Variants in KCNH2 observed in about 807,000 individuals in gnomAD.
KCNH2 encodes the protein potassium voltage-gated channel subfamily H member 2.
KCNH2 carries 35 observed loss-of-function variants against 95.9 expected under a neutral mutation model. The observed-to-expected ratio is 0.37, with a 90% CI of 0.28 to 0.48. The LOEUF (loss-of-function observed/expected upper bound fraction) is 0.48. Ranked by LOEUF, KCNH2 falls within the 20% of genes least tolerant of loss-of-function variation. KCNH2 has a pLI of 0.99. For missense variants in KCNH2, 1,274 were observed against 1,702.9 expected (o/e 0.75, Z 4.43); for synonymous variants, 786 against 754.7 (o/e 1.04, Z -0.68).
At position 150,950,238 on chromosome 7, in the gene KCNH2, G is replaced by C. The variant is rs747861687; in HGVS notation, c.2328C>G (p.Leu776=). Residue 776 remains leucine, a synonymous_variant, in exon 9 of 15, where the codon CTC becomes CTG. Transcript: ENST00000262186. ...GDTLVHAGDL[L]TALYFISRGS... is the part of the protein sequence containing the mutation. ...CCCGGGAGATGAAGTACAGGGCGGT[G>C]AGCAGGTCCCCAGCATGCACCAGTG... 1 of 1,613,502 alleles carries C rather than the reference G, an allele frequency of 6.2e-7. No individual in the cohort carries two copies. Among genetic ancestry groups the C allele is most frequent in the East Asian group, 2.2e-5 (1 of 44,842 alleles).
rs794728398 is a variant in KCNH2, at chr7:150,947,797, C to A, written c.2774G>T (p.Gly925Val). 35 of 1,532,872 alleles carry A rather than the reference C, an allele frequency of 2.3e-5. 1 individual carries two copies. The highest frequency in any genetic ancestry group is 5.9e-5 in the Admixed American group (3 of 50,706). 95.0% of individuals were successfully genotyped at this position (1,532,872 alleles called of 1,614,324 possible). ...AGPSSRGRPGGPWGESPSSGP... is the reference protein window; with the variant it reads ...AGPSSRGRPGVPWGESPSSGP... ...ACTGGACGGGCTCTCCCCCCACGGC[C>A]CCCCCGGCCGGCCCCGGCTACTCGG... The change falls in exon 12 of 15, where the codon GGG becomes GTG. Residue 925 changes from glycine to valine, a missense_variant. Physicochemically the swap from Gly to Val is moderately radical, Grantham distance 109. This residue lies in a region of KCNH2 where 457 missense variants were observed against 416.1 expected (regional missense o/e 1.10). Transcript: ENST00000262186.
At chr7:150,957,549 G>T (rs1182650154) in intron 4 of KCNH2, 47 bp from the exon 5 acceptor site, 1 of 1,407,132 alleles carries the variant, frequency 7.1e-7, no homozygotes. Flanking sequence ...AGGGCCCCAG[G>T]CCAGGCAGGC....
intron 8 of KCNH2, among the ~76,000 whole-genome samples, 179 bp downstream of exon 8, chr7:150,950,742 T>C (rs1490631458): frequency 1.3e-5 from 2 of 152,210 alleles, no homozygotes; most frequent in Non-Finnish European, 2.9e-5. Flanking sequence ...AGGGGAGCTC[T>C]CCAGGGAAGG....
At chr7:150,971,278 C>T (rs1472367487) in intron 2 of KCNH2, among the ~76,000 whole-genome samples, 2 of 152,108 alleles carry the variant, frequency 1.3e-5, no homozygotes, top group African/African-American at 2.4e-5. Context: ...GGGGACAGAC[C>T]GAAGCCCACT....
rs1183370917 is a variant in KCNH2, at chr7:150,961,252, A to G, written c.308-1516T>C. ...CAGGCATGGGGGAGAGGCAAGGGTGACAAACCATGCAGTCCCACTCCATCT... is the reference window on the plus strand; with the variant it reads ...CAGGCATGGGGGAGAGGCAAGGGTGGCAAACCATGCAGTCCCACTCCATCT... On this transcript the variant is annotated intron_variant, in intron 2 of 14. Transcript: ENST00000262186. This position sits in a 1 kb window ranked among gnomAD's most constrained non-coding sequence, Gnocchi z 6.2. Among the ~76,000 whole-genome samples, 2 of 151,342 alleles carry G rather than the reference A, an allele frequency of 1.3e-5. No homozygotes were observed. Among genetic ancestry groups the G allele is most frequent in the Non-Finnish European group, 2.9e-5 (2 of 67,948 alleles).
rs748266308 is a variant in KCNH2 at position 150,951,725 on chromosome 7, G to A, written c.1668C>T (p.Thr556=). Reference sequence around the variant, plus strand: ...CTAGCCAGTGCGCGATGAGCGCAAAGGTGCACATGAGCAAGAACAGCACGG... The same window carrying A: ...CTAGCCAGTGCGCGATGAGCGCAAAAGTGCACATGAGCAAGAACAGCACGG... The part of the protein sequence containing the change: ...GAAVLFLLMC[T]FALIAHWLAC... The change falls in exon 7 of 15, where the codon ACC becomes ACT. Residue 556 remains threonine, a synonymous_variant. Coordinates refer to ENST00000262186, the MANE Select transcript of KCNH2 (RefSeq NM_000238.4). 22 of 1,613,232 alleles carry A rather than the reference G, an allele frequency of 1.4e-5. No homozygotes were observed. Among genetic ancestry groups the A allele is most frequent in the South Asian group, 3.3e-5 (3 of 91,086 alleles).
rs199473518 is a variant in KCNH2, at chr7:150,951,700, C to A, written c.1693G>T (p.Ala565Ser). 6.2e-7 allele frequency: 1 copy of A among 1,614,152 alleles called. No individual in the cohort carries two copies. Among genetic ancestry groups the A allele is most frequent in the Non-Finnish European group, 8.5e-7 (1 of 1,179,998 alleles). The change falls in exon 7 of 15, where the codon GCC (alanine) becomes TCC (serine). Residue 565 changes from alanine to serine, a missense_variant. By Grantham distance (99) the Ala-to-Ser change is moderately conservative. Transcript: ENST00000262186. ...CTFALIAHWL[A>S]CIWYAIGNME... ...TTGCCGATGGCGTACCAGATGCAGGCTAGCCAGTGCGCGATGAGCGCAAAG... is the reference window on the plus strand; with the variant it reads ...TTGCCGATGGCGTACCAGATGCAGGATAGCCAGTGCGCGATGAGCGCAAAG...
chr7:150,957,919 AAT>A, intron 4 of KCNH2, 138 bp downstream of exon 4: 1 of 651,514 alleles, frequency 1.5e-6, no homozygotes, highest in Non-Finnish European at 2.4e-6. Flanking sequence ...AATGGAATTA[AAT>A]AAGTGCTTAA....
chr7:150,952,284 G>T lies in KCNH2; in HGVS notation c.1557+141C>A. On this transcript the variant is annotated intron_variant, in intron 6 of 14. Coordinates refer to ENST00000262186, the MANE Select transcript of KCNH2 (RefSeq NM_000238.4). This position sits in a 1 kb window ranked among gnomAD's most constrained non-coding sequence, Gnocchi z 7.3. Reference sequence around the variant, plus strand: ...GCCTCTGCAGCTGCCTTGCCACCATGTCTCTCTCCCACTGTCTTTCTCTCT... The same window carrying T: ...GCCTCTGCAGCTGCCTTGCCACCATTTCTCTCTCCCACTGTCTTTCTCTCT... The T allele has an allele frequency of 2.2e-6, 2 of 927,488 alleles. No homozygotes were observed. Among genetic ancestry groups the T allele is most frequent in the Non-Finnish European group, 3.3e-6 (2 of 611,938 alleles). The allele number at this position is 927,488 out of a possible 1,614,324, so 57.5% of individuals were successfully genotyped here.
chr7:150,947,306 C>T lies in KCNH2; in HGVS notation c.3152+22G>A, dbSNP rs3815459. 0.25 allele frequency: 385,173 copies of T among 1,529,804 alleles called. 56,789 individuals carry two copies. Among genetic ancestry groups the T allele is most frequent in the East Asian group, 0.75 (30,514 of 40,814 alleles). 94.8% of individuals were successfully genotyped at this position (1,529,804 alleles called of 1,614,324 possible). A position where few individuals can be genotyped will look rare whatever the true frequency, so the allele number is the denominator to read the frequency against. On this transcript the variant is annotated intron_variant, in intron 13 of 14. Transcript: ENST00000262186. The stretch of plus-strand genomic sequence containing the variant: ...GACCAGACTCCAGGGCGTGCCCCCC[C>T]ACCCCACCTGCACTCCCTCACCTGT...
intron 5 of KCNH2, among the ~76,000 whole-genome samples, chr7:150,955,208 G>A (rs1259386838): frequency 5.3e-5 from 8 of 152,228 alleles, no homozygotes; most frequent in Admixed American, 1.3e-4. Flanking sequence ...CGGAAACTCT[G>A]TAAGCCCAGC....
intron 13 of KCNH2, 25 bp downstream of exon 13, chr7:150,947,303 C>T (rs1245882235): frequency 1.3e-6 from 2 of 1,527,780 alleles, no homozygotes; most frequent in South Asian, 1.2e-5. Context: ...GGGCGTGCCC[C>T]CCCACCCCAC....
At position 150,964,360 on chromosome 7, in the gene KCNH2, C is replaced by A. The variant is rs1344643024; in HGVS notation, c.308-4624G>T. Among the ~76,000 whole-genome samples, 3 of 152,140 alleles carry A rather than the reference C, an allele frequency of 2.0e-5. No homozygotes were observed. In the East Asian group the frequency reaches 5.8e-4, roughly 29 times the overall value. On this transcript the variant is annotated intron_variant, in intron 2 of 14. Coordinates refer to ENST00000262186, the MANE Select transcript of KCNH2 (RefSeq NM_000238.4). ...ACGCCTGGCACCTGCCCCCAGTGAA[C>A]CACCCATCCAACAGGACCCCAGTTT...
At chr7:150,959,274 G>A (rs991040761) in intron 3 of KCNH2, among the ~76,000 whole-genome samples, 2 of 152,182 alleles carry the variant, frequency 1.3e-5, no homozygotes, top group Non-Finnish European at 2.9e-5. Flanking sequence ...AGAGAGGACC[G>A]CTCCCAGGGG....
chr7:150,953,066 G>A (rs771194585), intron 5 of KCNH2, among the ~76,000 whole-genome samples: 6 of 152,132 alleles, frequency 3.9e-5, no homozygotes, highest in Admixed American at 1.3e-4. Context: ...CACAGGACTG[G>A]CTCCAAACAG....
chr7:150,969,614 C>T (rs1304203265), intron 2 of KCNH2, among the ~76,000 whole-genome samples: 1 of 152,246 alleles, frequency 6.6e-6, no homozygotes, highest in Non-Finnish European at 1.5e-5. Context: ...CAACGCAGCA[C>T]ACTGCCCACC....
At chr7:150,969,659 C>T (rs1801789571) in intron 2 of KCNH2, among the ~76,000 whole-genome samples, 1 of 152,240 alleles carries the variant, frequency 6.6e-6, no homozygotes, top group African/African-American at 2.4e-5. Flanking sequence ...CAGTGCCGAG[C>T]TCTCGCTGTG....
intron 7 of KCNH2, 88 bp from the exon 8 acceptor site, chr7:150,951,208 T>C: frequency 8.2e-7 from 1 of 1,212,276 alleles, no homozygotes; most frequent in Non-Finnish European, 1.2e-6. Context: ...ACCAGGTCAG[T>C]GTCTCAGTCT....
intron 5 of KCNH2, chr7:150,955,908 T>G: frequency 2.6e-6 from 2 of 782,212 alleles, no homozygotes; most frequent in Non-Finnish European, 2.8e-6. Context: ...AGCGGCCCCC[T>G]CCCCCGCAGC....
Sources: gnomAD v4.1 joint callset for allele counts (sites outside exome capture counted in the v4.1 genomes callset) on GRCh38, gnomAD v4.1.1 for gene constraint, gnomAD v4.1.1 regional missense constraint, Gnocchi (gnomAD v3.1) non-coding constraint, MANE v1.5 for transcripts, NCBI Gene and HGNC (gene_info 2026-07-23, HGNC 2026-07-21) for gene names.